Variants in TRIO observed in about 807,000 individuals in gnomAD.
The protein encoded by TRIO is trio Rho guanine nucleotide exchange factor, also known as triple functional domain protein.
TRIO carries 58 observed loss-of-function variants against 351.9 expected under a neutral mutation model. The observed-to-expected ratio is 0.16, with a 90% CI of 0.13 to 0.21. The LOEUF is 0.21. Ranked by LOEUF, TRIO falls within the 10% of genes least tolerant of loss-of-function variation. TRIO has a pLI of 1.00. For synonymous variants in TRIO, 1,758 were observed against 1,595.7 expected (o/e 1.10, Z -2.42); for missense variants, 3,201 against 4,027.8 (o/e 0.79, Z 5.56).
intron 11 of TRIO, among the ~76,000 whole-genome samples, chr5:14,347,572 G>C (rs927419774): frequency 2.0e-5 from 3 of 152,260 alleles, no homozygotes; most frequent in Non-Finnish European, 4.4e-5. Context: ...CTACTTTGCT[G>C]TGTTAAGCGC....
chr5:14,226,238 A>G (rs1261410311), intron 1 of TRIO, among the ~76,000 whole-genome samples: 2 of 152,150 alleles, frequency 1.3e-5, no homozygotes, highest in South Asian at 2.1e-4. Flanking sequence ...GATGATGATG[A>G]TGATGTTGAT....
intron 1 of TRIO, among the ~76,000 whole-genome samples, chr5:14,264,900 C>T (rs1027489267): frequency 8.5e-5 from 13 of 152,164 alleles, no homozygotes; most frequent in African/African-American, 2.9e-4. Context: ...CAGGCGTGCG[C>T]GCGCGAAGTT....
intron 1 of TRIO, among the ~76,000 whole-genome samples, chr5:14,245,868 G>A (rs993369217): frequency 1.3e-5 from 2 of 152,198 alleles, no homozygotes; most frequent in South Asian, 2.1e-4. Flanking sequence ...GGTGATGTCC[G>A]TTCCAGGTAA....
At chr5:14,367,352 C>CTTGCTGGT (rs1353487693) in intron 16 of TRIO, among the ~76,000 whole-genome samples, 6 of 152,208 alleles carry the variant, frequency 3.9e-5, no homozygotes, top group African/African-American at 1.4e-4. Context: ...GTTTTCTAAT[C>CTTGCTGGT]TTGCTGGTCT....
chr5:14,451,515 C>T (rs1752846489), intron 34 of TRIO, among the ~76,000 whole-genome samples: 1 of 152,204 alleles, frequency 6.6e-6, no homozygotes, highest in Admixed American at 6.5e-5. Context: ...TTCACATTTG[C>T]CTTACAGCCT....
intron 34 of TRIO, among the ~76,000 whole-genome samples, chr5:14,426,814 C>T (rs1750683171): frequency 6.6e-6 from 1 of 152,118 alleles, no homozygotes; most frequent in African/African-American, 2.4e-5. Context: ...CACAGACGGT[C>T]ATGGGGAAGT....
chr5:14,506,096 G>A (rs1319292113), intron 55 of TRIO, among the ~76,000 whole-genome samples: 1 of 152,202 alleles, frequency 6.6e-6, no homozygotes, highest in African/African-American at 2.4e-5. Context: ...GACCCGGGAG[G>A]TCTCCTTTCT....
At chr5:14,504,626 C>G (rs1406020965) in intron 55 of TRIO, 33 bp downstream of exon 55, 1 of 1,606,534 alleles carries the variant, frequency 6.2e-7, no homozygotes, top group Non-Finnish European at 8.5e-7. Context: ...CTCTGCCCAG[C>G]CCTCTGCCTC....
chr5:14,232,926 A>G, intron 1 of TRIO, among the ~76,000 whole-genome samples: 1 of 152,240 alleles, frequency 6.6e-6, no homozygotes, highest in Non-Finnish European at 1.5e-5. Context: ...GTGCCAGGGC[A>G]GGCCCTGTGG....
chr5:14,406,007 C>T lies in TRIO; in HGVS notation c.4859+17C>T. The T allele has an allele frequency of 6.2e-7, 1 of 1,610,104 alleles. No individual in the cohort carries two copies. Among genetic ancestry groups the T allele is most frequent in the Non-Finnish European group, 8.5e-7 (1 of 1,177,580 alleles). ...GGGAAGGAGGTGCGTGTCTGGGCGCCACTGGAGGTTTGTGGATGTGGGAGG... is the reference window on the plus strand; with the variant it reads ...GGGAAGGAGGTGCGTGTCTGGGCGCTACTGGAGGTTTGTGGATGTGGGAGG... On this transcript the variant is annotated intron_variant, in intron 32 of 56. Transcript: ENST00000344204.
chr5:14,230,076 G>C (rs1793308020), intron 1 of TRIO, among the ~76,000 whole-genome samples: 1 of 152,158 alleles, frequency 6.6e-6, no homozygotes, highest in African/African-American at 2.4e-5. Flanking sequence ...CCCCTGCACG[G>C]GAGGTCCTTA....
intron 9 of TRIO, among the ~76,000 whole-genome samples, chr5:14,318,001 C>CCTGT (rs1401154856): frequency 6.6e-6 from 1 of 152,156 alleles, no homozygotes; most frequent in East Asian, 1.9e-4. Flanking sequence ...GTGGCGCATG[C>CCTGT]CTGTAATCCC....
rs1239307146 is a variant in TRIO at position 14,469,472 on chromosome 5, A to G, written c.5764-1846A>G. 2.0e-5 allele frequency among the ~76,000 whole-genome samples: 3 copies of G among 152,388 alleles called. No homozygotes were observed. In the East Asian group the frequency reaches 5.8e-4, roughly 29 times the overall value. On this transcript the variant is annotated intron_variant, in intron 37 of 56. Coordinates refer to ENST00000344204, the MANE Select transcript of TRIO (RefSeq NM_007118.4). ...AAATTAATCTCATAAGAGGTAGAAT[A>G]TTTCTGTAGACCTATCTTCATGTAA...
At chr5:14,484,744 A>G (rs1187117572) in intron 46 of TRIO, among the ~76,000 whole-genome samples, 6 of 152,156 alleles carry the variant, frequency 3.9e-5, no homozygotes, top group Non-Finnish European at 8.8e-5. Context: ...CCCTGTACCC[A>G]TTAAACAGTA....
intron 1 of TRIO, among the ~76,000 whole-genome samples, chr5:14,232,640 A>C (rs1793514712): frequency 6.6e-6 from 1 of 152,244 alleles, no homozygotes; most frequent in Non-Finnish European, 1.5e-5. Flanking sequence ...TATGCTAAAT[A>C]CACACAGAGT....
chr5:14,166,750 G>A (rs906213026), intron 1 of TRIO, among the ~76,000 whole-genome samples: 2 of 152,172 alleles, frequency 1.3e-5, no homozygotes, highest in Non-Finnish European at 2.9e-5. Flanking sequence ...CTGGGCCAGA[G>A]GCTGGGCCAT....
At chr5:14,363,663 A>T in intron 13 of TRIO, 69 bp from the exon 14 acceptor site, 1 of 1,451,012 alleles carries the variant, frequency 6.9e-7, no homozygotes, top group Non-Finnish European at 9.5e-7. Context: ...TTCCTTCCTT[A>T]CTTGGTACAG....
intron 11 of TRIO, among the ~76,000 whole-genome samples, chr5:14,354,711 T>C (rs1277162201): frequency 6.6e-6 from 1 of 152,212 alleles, no homozygotes; most frequent in Non-Finnish European, 1.5e-5. Context: ...GCAGCACCGT[T>C]GGTAGCGTCT....
At chr5:14,308,363 C>T in intron 8 of TRIO, among the ~76,000 whole-genome samples, 1 of 145,598 alleles carries the variant, frequency 6.9e-6, no homozygotes, top group Non-Finnish European at 1.5e-5. Context: ...CACCCAACCA[C>T]CCATTCATCT....
Sources: allele counts gnomAD v4.1 joint callset (sites outside exome capture counted in the v4.1 genomes callset), GRCh38; gene constraint gnomAD v4.1.1; transcripts MANE v1.5; gene names NCBI Gene and HGNC (gene_info 2026-07-23, HGNC 2026-07-21).